Variants in CDC23 observed in about 807,000 individuals in gnomAD.
CDC23 encodes the protein cell division cycle 23, also known as cell division cycle protein 23 homolog.
CDC23 carries 26 observed loss-of-function variants against 81.7 expected under a neutral mutation model. That is an observed-to-expected ratio of 0.32 (90% CI 0.23 to 0.44). The LOEUF is 0.44. Among genes scored for constraint, CDC23 ranks in the 20% least tolerant of loss-of-function variants. The pLI is 1.00. For missense variants in CDC23, 519 were observed against 728.0 expected (o/e 0.71, Z 3.30); for synonymous variants, 267 against 270.8 (o/e 0.99, Z 0.14).
chr5:138,188,849 C>T lies in CDC23; in HGVS notation c.*129G>A, dbSNP rs1754787926. On this transcript the variant is annotated 3_prime_UTR_variant, in exon 16 of 16. Coordinates refer to ENST00000394886, the MANE Select transcript of CDC23 (RefSeq NM_004661.4). ...TCTGAAGGTAATTATACAAGCTGTCCCTATGGAGCTGTTGCCATCTGTAGA... is the reference window on the plus strand; with the variant it reads ...TCTGAAGGTAATTATACAAGCTGTCTCTATGGAGCTGTTGCCATCTGTAGA... 1 of 772,454 alleles carries T rather than the reference C, an allele frequency of 1.3e-6. No homozygotes were observed. Among genetic ancestry groups the T allele is most frequent in the Non-Finnish European group, 2.0e-6 (1 of 502,104 alleles). The allele number at this position is 772,454 out of a possible 1,614,324, so 47.8% of individuals were successfully genotyped here. A position where few individuals can be genotyped will look rare whatever the true frequency, so the allele number is the denominator to read the frequency against.
rs1299840975 is a variant in CDC23 at position 138,202,062 on chromosome 5, A to C, written c.415+51T>G. The stretch of plus-strand genomic sequence containing the variant: ...CCTGCCTGGCTGTTGGAGGCATTTA[A>C]GTTTGCAACCCTGCTTTTTAGGTCA... On this transcript the variant is annotated intron_variant, in intron 4 of 15. Coordinates refer to ENST00000394886, the MANE Select transcript of CDC23 (RefSeq NM_004661.4). 9 of 1,386,348 alleles carry C rather than the reference A, an allele frequency of 6.5e-6. No homozygotes were observed. The Admixed American group carries it at 1.1e-4, about 17-fold the overall frequency. 85.9% of individuals were successfully genotyped at this position (1,386,348 alleles called of 1,614,324 possible).
At chr5:138,196,632 G>A (rs1482119401) in intron 9 of CDC23, among the ~76,000 whole-genome samples, 55 of 150,510 alleles carry the variant, frequency 3.7e-4, no homozygotes, top group Non-Finnish European at 7.4e-5. Context: ...CTAGGCTGGA[G>A]TGCAGTGGCA....
At chr5:138,193,564 C>T (rs188399810) in intron 9 of CDC23, among the ~76,000 whole-genome samples, 136 of 151,156 alleles carry the variant, frequency 9.0e-4, no homozygotes, top group African/African-American at 3.3e-3. Flanking sequence ...CCACTGCACT[C>T]CAGCTTGGGT....
At position 138,202,164 on chromosome 5, in the gene CDC23, G is replaced by GA; in HGVS notation, c.373-10dup. The GA allele has an allele frequency of 1.2e-6, 2 of 1,602,506 alleles. No individual in the cohort carries two copies. On this transcript the variant is annotated splice_polypyrimidine_tract_variant and intron_variant, in intron 3 of 15. Coordinates refer to ENST00000394886, the MANE Select transcript of CDC23 (RefSeq NM_004661.4). ...TTCTTTTTTTCTCCAGACTGTAAGA[G>GA]AAAATCAACAAATAGGTCTTTTTTC...
chr5:138,206,878 CTTTTT>C (rs905919467), intron 2 of CDC23, among the ~76,000 whole-genome samples, 194 bp from the exon 3 acceptor site: 1 of 131,032 alleles, frequency 7.6e-6, no homozygotes, highest in African/African-American at 2.9e-5. Flanking sequence ...CCATAGAACT[CTTTTT>C]TTTTTTTTTT....
chr5:138,201,542 T>C, intron 4 of CDC23, 94 bp from the exon 5 acceptor site: 2 of 883,072 alleles, frequency 2.3e-6, no homozygotes, highest in Non-Finnish European at 3.4e-6. Flanking sequence ...AGACAGGGTC[T>C]CGCTATGTTC....
In CDC23 at chr5:138,191,397, G is replaced by A. The variant is rs1324960856; in HGVS notation, c.1424+77C>T. The A allele has an allele frequency of 6.8e-6, 8 of 1,175,832 alleles. No homozygotes were observed. In the African/African-American group the frequency reaches 9.0e-5, roughly 13 times the overall value. The allele number at this position is 1,175,832 out of a possible 1,614,324, so 72.8% of individuals were successfully genotyped here. A position where few individuals can be genotyped will look rare whatever the true frequency, so the allele number is the denominator to read the frequency against. ...TATGTAGAATGATGGGTGTATGGGA[G>A]GCTCTAGACCATGCAGGACCCACCA... On this transcript the variant is annotated intron_variant, in intron 13 of 15. Transcript: ENST00000394886.
intron 9 of CDC23, among the ~76,000 whole-genome samples, chr5:138,195,689 TA>T (rs1561634057): frequency 8.8e-6 from 1 of 113,420 alleles, no homozygotes; most frequent in African/African-American, 3.6e-5. Context: ...TATATACATA[TA>T]ATATATATGC....
intron 3 of CDC23, among the ~76,000 whole-genome samples, chr5:138,203,591 T>C (rs1006933153): frequency 6.6e-6 from 1 of 152,150 alleles, no homozygotes; most frequent in African/African-American, 2.4e-5. Context: ...GGAAATGCTA[T>C]AGAAGACACT....
chr5:138,205,245 T>C (rs1755035356), intron 3 of CDC23, among the ~76,000 whole-genome samples: 1 of 152,344 alleles, frequency 6.6e-6, no homozygotes, highest in East Asian at 1.9e-4. Flanking sequence ...CAGGTATAGA[T>C]TGTATGTGAA....
At chr5:138,194,020 A>C (rs1014174646) in intron 9 of CDC23, among the ~76,000 whole-genome samples, 33 of 152,120 alleles carry the variant, frequency 2.2e-4, no homozygotes, top group African/African-American at 7.7e-4. Context: ...AAGCAGTTCT[A>C]TTCTCATTGG....
intron 4 of CDC23, 57 bp downstream of exon 4, chr5:138,202,056 C>T (rs1754995557): frequency 8.2e-7 from 1 of 1,219,504 alleles, no homozygotes. Context: ...CTGTTGGAGG[C>T]ATTTAAGTTT....
At chr5:138,189,790 T>C (rs769274482) in intron 14 of CDC23, 38 bp from the exon 15 acceptor site, 4 of 1,613,512 alleles carry the variant, frequency 2.5e-6, no homozygotes, top group Non-Finnish European at 3.4e-6. Flanking sequence ...GTGACAGTAA[T>C]AATATCAGCA....
intron 9 of CDC23, among the ~76,000 whole-genome samples, chr5:138,196,890 CTTTTT>C (rs34002952): frequency 4.5e-4 from 51 of 113,422 alleles, no homozygotes; most frequent in Non-Finnish European, 7.4e-4. Context: ...TTTTTTTTTC[CTTTTT>C]TTTTTTTTTT....
chr5:138,191,216 G>C (rs1346737069), intron 13 of CDC23, among the ~76,000 whole-genome samples: 1 of 151,960 alleles, frequency 6.6e-6, no homozygotes, highest in African/African-American at 2.4e-5. Flanking sequence ...CCCAGGTCTT[G>C]AACTCCTGAC....
intron 3 of CDC23, among the ~76,000 whole-genome samples, chr5:138,203,879 C>G (rs555433691): frequency 7.2e-4 from 109 of 152,002 alleles, no homozygotes; most frequent in Admixed American, 1.2e-3. Flanking sequence ...CAACACTGCA[C>G]TCCAGCCTGG....
intron 6 of CDC23, 54 bp downstream of exon 6, chr5:138,201,053 G>C: frequency 6.3e-7 from 1 of 1,594,358 alleles, no homozygotes; most frequent in Non-Finnish European, 8.5e-7. Context: ...TATTACTACA[G>C]AATTACAAAA....
At chr5:138,199,428 C>T (rs747049361) in intron 6 of CDC23, among the ~76,000 whole-genome samples, 4 of 151,958 alleles carry the variant, frequency 2.6e-5, no homozygotes, top group Non-Finnish European at 5.9e-5. Context: ...GAAACCTCAT[C>T]TCCACAAACA....
chr5:138,202,997 C>A (rs896539649), intron 3 of CDC23, among the ~76,000 whole-genome samples: 9 of 152,126 alleles, frequency 5.9e-5, no homozygotes, highest in South Asian at 4.1e-4. Flanking sequence ...TGGATAACAT[C>A]TTCATCAAAT....
Sources: gnomAD v4.1 joint callset for allele counts (sites outside exome capture counted in the v4.1 genomes callset) on GRCh38, gnomAD v4.1.1 for gene constraint, MANE v1.5 for transcripts, NCBI Gene and HGNC (gene_info 2026-07-23, HGNC 2026-07-21) for gene names.